The following NLN variants were observed in gnomAD, a reference collection of about 807,000 sequenced individuals.
The protein encoded by NLN is neurolysin, mitochondrial.
A neutral mutation model predicts 79.9 loss-of-function variants in NLN; 64 were observed. That is an observed-to-expected ratio of 0.80 (90% confidence interval 0.65 to 0.99). The LOEUF is 0.99. Ranked by LOEUF, NLN falls within the 50% of genes least tolerant of loss-of-function variation. NLN has a pLI of 0.00. For missense variants in NLN, 835 were observed against 858.7 expected (o/e 0.97, Z 0.34); for synonymous variants, 267 against 296.6 (o/e 0.90, Z 1.02).
Position 65,784,736 on chromosome 5 carries a change from G to A in NLN, c.823-1039G>A, listed in dbSNP as rs116650399. Among the ~76,000 whole-genome samples, 1,320 of 152,282 alleles carry A rather than the reference G, an allele frequency of 8.7e-3. 10 individuals carry two copies. Among genetic ancestry groups the A allele is most frequent in the South Asian group, 0.028 (137 of 4,826 alleles). The stretch of plus-strand genomic sequence containing the variant: ...TTAAGTATATTCACATTGAGAATAT[G>A]TTTATATTTTTCTGCAGCCATCACC... On this transcript the variant is annotated intron_variant, in intron 6 of 12. Transcript: ENST00000380985.
chr5:65,724,058 C>T (rs1399269478), intron 1 of NLN, among the ~76,000 whole-genome samples: 1 of 147,756 alleles, frequency 6.8e-6, no homozygotes, highest in Non-Finnish European at 1.5e-5. Context: ...AACCAACCCC[C>T]CCGCCCCCCA....
chr5:65,722,560 C>A, intron 1 of NLN, 146 bp downstream of exon 1: 1 of 708,244 alleles, frequency 1.4e-6, no homozygotes, highest in South Asian at 2.0e-5. Flanking sequence ...CAAGGTGGAC[C>A]CCTGGGGGAC....
chr5:65,755,754 G>T (rs1759203004), intron 1 of NLN, among the ~76,000 whole-genome samples: 1 of 152,202 alleles, frequency 6.6e-6, no homozygotes, highest in South Asian at 2.1e-4. Flanking sequence ...GCCTGGAGTT[G>T]TAAGCATCAA....
rs147947703 is a variant in NLN at position 65,800,947 on chromosome 5, C to T, written c.1527+8292C>T. Among the ~76,000 whole-genome samples the T allele has an allele frequency of 2.1e-3, 312 of 152,174 alleles. 1 individual carries two copies. Among genetic ancestry groups the T allele is most frequent in the African/African-American group, 7.3e-3 (303 of 41,520 alleles). On this transcript the variant is annotated intron_variant, in intron 9 of 12. Transcript: ENST00000380985. ...AGCTCAATCAATTCTCCTGCTTCTA[C>T]GTCTCAAAGTGCTGGAATTACAGGC...
chr5:65,732,458 C>T (rs1344783833), intron 1 of NLN, among the ~76,000 whole-genome samples: 5 of 141,568 alleles, frequency 3.5e-5, no homozygotes, highest in Middle Eastern at 3.7e-3. Context: ...CAAACCTGTG[C>T]GTTTCACAGT....
chr5:65,801,178 A>C (rs1760277856), intron 9 of NLN, among the ~76,000 whole-genome samples: 1 of 152,202 alleles, frequency 6.6e-6, no homozygotes, highest in Admixed American at 6.5e-5. Flanking sequence ...TGTGTTTTTT[A>C]CTGCTTTATC....
intron 1 of NLN, among the ~76,000 whole-genome samples, chr5:65,742,577 T>G (rs943461572): frequency 6.6e-6 from 1 of 152,216 alleles, no homozygotes; most frequent in African/African-American, 2.4e-5. Flanking sequence ...ATGGTGTACA[T>G]TTTTCGTGAA....
At chr5:65,809,303 A>G (rs1760489013) in intron 9 of NLN, 1 of 412,738 alleles carries the variant, frequency 2.4e-6, no homozygotes, top group African/African-American at 2.0e-5. Flanking sequence ...GAATGAAATT[A>G]CTACTGTAAT....
chr5:65,806,289 C>T (rs1266183323), intron 9 of NLN, among the ~76,000 whole-genome samples: 1 of 152,182 alleles, frequency 6.6e-6, no homozygotes, highest in African/African-American at 2.4e-5. Flanking sequence ...CTACAGCTGC[C>T]ATATATAGTA....
At chr5:65,742,742 G>A (rs1758899090) in intron 1 of NLN, among the ~76,000 whole-genome samples, 1 of 152,134 alleles carries the variant, frequency 6.6e-6, no homozygotes, top group South Asian at 2.1e-4. Context: ...CAGTCGAATT[G>A]TAGCACTTTG....
At chr5:65,749,412 G>T (rs968563940) in intron 1 of NLN, among the ~76,000 whole-genome samples, 2 of 152,202 alleles carry the variant, frequency 1.3e-5, no homozygotes, top group Admixed American at 1.3e-4. Context: ...AGGCCTCCTA[G>T]TGTGAGGAGC....
At chr5:65,814,184 C>T (rs1386672934) in intron 12 of NLN, among the ~76,000 whole-genome samples, 4 of 152,116 alleles carry the variant, frequency 2.6e-5, no homozygotes, top group Admixed American at 1.3e-4. Context: ...CTTGCTTTTG[C>T]CCCAACCAAC....
At chr5:65,722,444 C>A (rs201139520) in intron 1 of NLN, 30 bp downstream of exon 1, 1 of 1,565,492 alleles carries the variant, frequency 6.4e-7, no homozygotes, top group Non-Finnish European at 8.7e-7. Context: ...TAACCTTGGC[C>A]GTGGGCAGGG....
chr5:65,785,894 C>T lies in NLN; in HGVS notation c.942C>T (p.Arg314=), dbSNP rs746668070. The T allele has an allele frequency of 5.0e-6, 8 of 1,611,690 alleles. No individual in the cohort carries two copies. The East Asian group carries it at 6.7e-5, about 13-fold the overall frequency. ...TGAACACTGCAAAGAGCACAAGCCG[C>T]GTAACAGCCTTTCTAGGTTAGTTCT... ...LEMNTAKSTS[R]VTAFLDDLSQ... The change falls in exon 7 of 13, where the codon CGC becomes CGT. Residue 314 remains arginine (R), a synonymous_variant. Transcript: ENST00000380985.
In NLN at chr5:65,731,742, CTTTTTTTTT is replaced by C. The variant is rs761722243; in HGVS notation, c.41+9346_41+9354del. Among the ~76,000 whole-genome samples, 22 of 62,012 alleles carry C rather than the reference CTTTTTTTTT, an allele frequency of 3.5e-4. 1 individual carries two copies. In the South Asian group the frequency reaches 6.6e-3, roughly 18 times the overall value. The allele number at this position is 62,012 out of a possible 152,430, so 40.7% of individuals were successfully genotyped here. ...GTATTTTAAAAATCACCTACATTTT[CTTTTTTTTT>C]TTTTTTTTTTTTTTTTTCAGACAGA... On this transcript the variant is annotated intron_variant, in intron 1 of 12. Transcript: ENST00000380985.
chr5:65,742,995 C>T (rs1001703905), intron 1 of NLN, among the ~76,000 whole-genome samples: 6 of 152,174 alleles, frequency 3.9e-5, no homozygotes, highest in South Asian at 2.1e-4. Context: ...ACAGTTAAAA[C>T]ATATATGTTA....
At chr5:65,749,046 A>G (rs1207632594) in intron 1 of NLN, among the ~76,000 whole-genome samples, 4 of 152,196 alleles carry the variant, frequency 2.6e-5, no homozygotes, top group Non-Finnish European at 5.9e-5. Context: ...CTCCCTGCAC[A>G]TGCTCTCTTG....
At chr5:65,742,067 G>T (rs917505400) in intron 1 of NLN, among the ~76,000 whole-genome samples, 2 of 151,966 alleles carry the variant, frequency 1.3e-5, no homozygotes, top group Non-Finnish European at 2.9e-5. Context: ...TTTTTCATAT[G>T]CCCTTAAGTA....
intron 6 of NLN, among the ~76,000 whole-genome samples, chr5:65,783,151 G>A (rs1334617400): frequency 6.6e-6 from 1 of 152,154 alleles, no homozygotes; most frequent in Non-Finnish European, 1.5e-5. Flanking sequence ...TGGGGAGAGG[G>A]AAGACTGAGG....
Sources: allele counts gnomAD v4.1 joint callset (sites outside exome capture counted in the v4.1 genomes callset), GRCh38; gene constraint gnomAD v4.1.1; transcripts MANE v1.5; gene names NCBI Gene and HGNC (gene_info 2026-07-23, HGNC 2026-07-21).